RAB3IP: variants seen among roughly 807,000 people sequenced by gnomAD.
RAB3IP encodes RAB3A interacting protein, also known as rab-3A-interacting protein.
Under a neutral mutation model 59.1 loss-of-function variants are expected in RAB3IP, and 36 were observed. That is an observed-to-expected ratio of 0.61 (90% CI 0.47 to 0.80). RAB3IP has a LOEUF of 0.80. Among genes scored for constraint, RAB3IP ranks in the 30% least tolerant of loss-of-function variants. The probability of loss-of-function intolerance (pLI) is 0.00; values close to 1 mark genes in which losing one functional copy is unlikely to be tolerated. For missense variants in RAB3IP, 511 were observed against 536.0 expected, an observed-to-expected ratio of 0.95 and a Z score of 0.46; for synonymous variants, 207 against 191.2, an observed-to-expected ratio of 1.08 and a Z score of -0.68.
At position 69,818,515 on chromosome 12, in the gene RAB3IP, C is replaced by T. The variant is rs1397701897; in HGVS notation, c.*3069C>T. On this transcript the variant is annotated 3_prime_UTR_variant, in exon 11 of 11. Transcript: ENST00000247833. The stretch of plus-strand genomic sequence containing the variant: ...CTTTTCAGTATATACTTGAGAAATG[C>T]TTGCACAGGTCCCCCAGATCACACA... 1 of 151,148 alleles carries T rather than the reference C, an allele frequency of 6.6e-6. No homozygotes were observed. Among genetic ancestry groups the T allele is most frequent in the Non-Finnish European group, 1.5e-5 (1 of 67,928 alleles). 9.4% of individuals were successfully genotyped at this position (151,148 alleles called of 1,614,324 possible). A position where few individuals can be genotyped will look rare whatever the true frequency, so the allele number is the denominator to read the frequency against.
intron 8 of RAB3IP, among the ~76,000 whole-genome samples, chr12:69,808,662 C>A (rs1879880321): frequency 6.6e-6 from 1 of 151,896 alleles, no homozygotes; most frequent in Non-Finnish European, 1.5e-5. Flanking sequence ...ATGTAATGGT[C>A]TTGTCTCTTT....
At position 69,781,317 on chromosome 12, in the gene RAB3IP, C is replaced by T. The variant is rs146722095; in HGVS notation, c.511-3403C>T. On this transcript the variant is annotated intron_variant, in intron 3 of 10. Coordinates refer to ENST00000247833, the MANE Select transcript of RAB3IP (RefSeq NM_022456.5). ...CTCCACACACGCACAGCATCCCCCCCGTTAGCATTCCCTACCAGAGTGGTA... is the reference window on the plus strand; with the variant it reads ...CTCCACACACGCACAGCATCCCCCCTGTTAGCATTCCCTACCAGAGTGGTA... Among the ~76,000 whole-genome samples, 120 of 152,236 alleles carry T rather than the reference C, an allele frequency of 7.9e-4. No homozygotes were observed. In the Middle Eastern group the frequency reaches 0.014, roughly 17 times the overall value.
In RAB3IP at chr12:69,819,785, C is replaced by T. The variant is rs554125695; in HGVS notation, c.*4339C>T. 5.9e-5 allele frequency: 9 copies of T among 152,292 alleles called. No individual in the cohort carries two copies. The highest frequency in any genetic ancestry group is 2.2e-4 in the African/African-American group (9 of 41,554). The allele number at this position is 152,292 out of a possible 1,614,324, so 9.4% of individuals were successfully genotyped here. On this transcript the variant is annotated 3_prime_UTR_variant, in exon 11 of 11. Transcript: ENST00000247833. ...AGAGCCTGGCCTAATGGAGACAGCT[C>T]TGGATTGGGAGTCACTTAGACCTAC...
chr12:69,739,474 G>C, intron 1 of RAB3IP: 1 of 231,702 alleles, frequency 4.3e-6, no homozygotes, highest in Non-Finnish European at 8.4e-6. Context: ...GAGAGTTCCC[G>C]AACAAGTCGG....
At position 69,812,672 on chromosome 12, in the gene RAB3IP, G is replaced by C. The variant is rs1221667084; in HGVS notation, c.1131-106G>C. On this transcript the variant is annotated intron_variant, in intron 8 of 10. Transcript: ENST00000247833. The stretch of plus-strand genomic sequence containing the variant: ...CTAGAACGGTGCCTGGTACACAGTA[G>C]GTTCTCAAATATTTGTTATCTAACT... 7.0e-6 allele frequency: 5 copies of C among 719,290 alleles called. No individual in the cohort carries two copies. In the African/African-American group the frequency reaches 7.2e-5, roughly 10 times the overall value. 44.6% of individuals were successfully genotyped at this position (719,290 alleles called of 1,614,324 possible).
intron 3 of RAB3IP, among the ~76,000 whole-genome samples, chr12:69,762,440 G>T (rs1220953129): frequency 6.6e-6 from 1 of 152,192 alleles, no homozygotes; most frequent in Non-Finnish European, 1.5e-5. Context: ...GCTGTAAGAG[G>T]TTATTTTAAA....
chr12:69,803,997 C>T (rs539657297), intron 8 of RAB3IP, among the ~76,000 whole-genome samples: 19 of 152,222 alleles, frequency 1.2e-4, no homozygotes, highest in African/African-American at 4.6e-4. Context: ...GATTTATAGT[C>T]CTTTGGGTAT....
In RAB3IP at chr12:69,818,986, G is replaced by C. The variant is rs1881422883; in HGVS notation, c.*3540G>C. The C allele has an allele frequency of 1.3e-5, 2 of 152,174 alleles. No homozygotes were observed. The highest frequency in any genetic ancestry group is 4.8e-5 in the African/African-American group (2 of 41,416). The allele number at this position is 152,174 out of a possible 1,614,324, so 9.4% of individuals were successfully genotyped here. A position where few individuals can be genotyped will look rare whatever the true frequency, so the allele number is the denominator to read the frequency against. The stretch of plus-strand genomic sequence containing the variant: ...GCTACTTGGGAGTCTGAGATAGGAA[G>C]ATCCTTGAGGCCAGTTCAAGGCTAT... On this transcript the variant is annotated 3_prime_UTR_variant, in exon 11 of 11. Coordinates refer to ENST00000247833, the MANE Select transcript of RAB3IP (RefSeq NM_022456.5).
At chr12:69,803,947 C>T (rs1344229941) in intron 8 of RAB3IP, among the ~76,000 whole-genome samples, 1 of 152,050 alleles carries the variant, frequency 6.6e-6, no homozygotes, top group African/African-American at 2.4e-5. Flanking sequence ...CGAATAGTGC[C>T]GCAATAAACA....
rs778098316 is a variant in RAB3IP at position 69,812,861 on chromosome 12, C to T, written c.1214C>T (p.Pro405Leu). The change falls in exon 9 of 11, where the codon CCT becomes CTT. Residue 405 changes from proline (P) to leucine (L), a missense_variant. Physicochemically the swap from Pro to Leu is moderately conservative, Grantham distance 98. Transcript: ENST00000247833. ...GDSSNYYYISPFCRYRITSVC... is the reference protein window; with the variant it reads ...GDSSNYYYISLFCRYRITSVC... ...TCAAGCAACTATTATTATATTTCTC[C>T]TTTTTGCAGATACAGGGTAAGTGAC... 4.3e-6 allele frequency: 7 copies of T among 1,612,166 alleles called. No homozygotes were observed. The highest frequency in any genetic ancestry group is 1.3e-5 in the African/African-American group (1 of 74,994).
At chr12:69,742,531 C>T (rs1012692995) in intron 1 of RAB3IP, among the ~76,000 whole-genome samples, 7 of 152,040 alleles carry the variant, frequency 4.6e-5, no homozygotes, top group African/African-American at 1.7e-4. Context: ...TGTTTATTGG[C>T]AAGGTGGTCT....
At chr12:69,786,076 G>T (rs186560288) in intron 4 of RAB3IP, among the ~76,000 whole-genome samples, 1 of 151,172 alleles carries the variant, frequency 6.6e-6, no homozygotes, top group Non-Finnish European at 1.5e-5. Context: ...AATAAACTTG[G>T]GGGGGTGGAA....
intron 3 of RAB3IP, among the ~76,000 whole-genome samples, chr12:69,759,924 C>T (rs1157954505): frequency 2.0e-5 from 3 of 152,118 alleles, no homozygotes; most frequent in Admixed American, 6.5e-5. Context: ...GCGCTCCCCA[C>T]ATCTCAGACG....
At chr12:69,744,269 TA>T (rs1887629010) in intron 1 of RAB3IP, among the ~76,000 whole-genome samples, 2 of 152,142 alleles carry the variant, frequency 1.3e-5, no homozygotes, top group African/African-American at 4.8e-5. Context: ...TAATTACAAA[TA>T]AATATTTGTA....
At chr12:69,752,156 A>G (rs1391644859) in intron 1 of RAB3IP, among the ~76,000 whole-genome samples, 3 of 151,554 alleles carry the variant, frequency 2.0e-5, no homozygotes, top group Admixed American at 6.6e-5. Flanking sequence ...GGCCTGCACT[A>G]TCACACCCAG....
At chr12:69,742,520 A>G (rs559374366) in intron 1 of RAB3IP, among the ~76,000 whole-genome samples, 2 of 152,246 alleles carry the variant, frequency 1.3e-5, no homozygotes, top group South Asian at 2.1e-4. Context: ...CCCTAGAAAC[A>G]TGTTTATTGG....
chr12:69,755,283 T>C, intron 1 of RAB3IP, 101 bp from the exon 2 acceptor site: 1 of 1,063,064 alleles, frequency 9.4e-7, no homozygotes, highest in Non-Finnish European at 1.3e-6. Flanking sequence ...AAGCTTATAA[T>C]TTACAATGGA....
rs891642175 is a variant in RAB3IP, at chr12:69,763,407, G to A, written c.510+6744G>A. 2.5e-4 allele frequency among the ~76,000 whole-genome samples: 38 copies of A among 152,152 alleles called. 1 individual carries two copies. The highest frequency in any genetic ancestry group is 2.4e-3 in the Admixed American group (37 of 15,270). On this transcript the variant is annotated intron_variant, in intron 3 of 10. Transcript: ENST00000247833. ...CCTCCAGAAAATCAACCAGCAAAAT[G>A]CCTTGAGCATGTAAAAAATTGTTGC...
At position 69,810,807 on chromosome 12, in the gene RAB3IP, A is replaced by C. The variant is rs554257145; in HGVS notation, c.1131-1971A>C. Among the ~76,000 whole-genome samples the C allele has an allele frequency of 5.3e-5, 8 of 152,320 alleles. No homozygotes were observed. The South Asian group carries it at 1.7e-3, about 32-fold the overall frequency. ...TTTGTGGAAGAGGATTACGGTCTAGATTTAGACATATTGACATCCTCACAT... is the reference window on the plus strand; with the variant it reads ...TTTGTGGAAGAGGATTACGGTCTAGCTTTAGACATATTGACATCCTCACAT... On this transcript the variant is annotated intron_variant, in intron 8 of 10. Transcript: ENST00000247833.
Sources: gnomAD v4.1 joint callset for allele counts (sites outside exome capture counted in the v4.1 genomes callset) on GRCh38, gnomAD v4.1.1 for gene constraint, MANE v1.5 for transcripts, NCBI Gene and HGNC (gene_info 2026-07-23, HGNC 2026-07-21) for gene names.